Variants in FAM177A1 observed in about 807,000 individuals in gnomAD.
FAM177A1 encodes the protein family with sequence similarity 177 member A1.
A neutral mutation model predicts 26.1 loss-of-function variants in FAM177A1; 22 were observed. The observed-to-expected ratio is 0.84, with a 90% CI of 0.60 to 1.20. The LOEUF (loss-of-function observed/expected upper bound fraction) is 1.20, where lower values mean the gene tolerates loss of function less well. Ranked by LOEUF, FAM177A1 falls within the 50% of genes most tolerant of loss-of-function variation. The pLI is 0.00. For missense variants in FAM177A1, 296 were observed against 291.1 expected, an observed-to-expected ratio of 1.02 and a Z score of -0.12; for synonymous variants, 95 against 99.3, an observed-to-expected ratio of 0.96 and a Z score of 0.26.
At position 35,081,295 on chromosome 14, in the gene FAM177A1, T is replaced by G. The variant is rs139163092; in HGVS notation, c.*67T>G. 358 of 1,420,290 alleles carry G rather than the reference T, an allele frequency of 2.5e-4. No individual in the cohort carries two copies. The highest frequency in any genetic ancestry group is 3.1e-4 in the Non-Finnish European group (327 of 1,046,190). 88.0% of individuals were successfully genotyped at this position (1,420,290 alleles called of 1,614,324 possible). On this transcript the variant is annotated 3_prime_UTR_variant, in exon 5 of 5. Transcript: ENST00000280987. ...TTTTAATACAAAAACTTTCACATTC[T>G]TTATTCAGTGGGACTTAATACAATT...
At chr14:35,076,598 A>T (rs1473130255) in intron 2 of FAM177A1, among the ~76,000 whole-genome samples, 2 of 151,288 alleles carry the variant, frequency 1.3e-5, no homozygotes, top group South Asian at 2.1e-4. Context: ...TAATAATAAT[A>T]AAAAAAAAGA....
chr14:35,082,077 A>G lies in FAM177A1; in HGVS notation c.*849A>G, dbSNP rs1361547252. The G allele has an allele frequency of 6.6e-6, 1 of 152,184 alleles. No individual in the cohort carries two copies. Among genetic ancestry groups the G allele is most frequent in the East Asian group, 1.9e-4 (1 of 5,202 alleles). The allele number at this position is 152,184 out of a possible 1,614,324, so 9.4% of individuals were successfully genotyped here. On this transcript the variant is annotated 3_prime_UTR_variant, in exon 5 of 5. Coordinates refer to ENST00000280987, the MANE Select transcript of FAM177A1 (RefSeq NM_173607.5). The stretch of plus-strand genomic sequence containing the variant: ...ATTGTATAAGGTGCAATGATAGCCT[A>G]ATGAAATTACCCGTCATTCATCATT...
intron 2 of FAM177A1, chr14:35,054,962 A>C (rs2045035499): frequency 6.7e-6 from 1 of 148,280 alleles, no homozygotes; most frequent in Admixed American, 6.7e-5. Context: ...GGGCAATAAG[A>C]GCGAAACTTG....
intron 2 of FAM177A1, among the ~76,000 whole-genome samples, chr14:35,073,923 T>A (rs1373236622): frequency 6.6e-6 from 1 of 152,178 alleles, no homozygotes; most frequent in Non-Finnish European, 1.5e-5. Context: ...TAGATATCCT[T>A]TCTTCTCAAT....
At chr14:35,058,341 G>A (rs1595042817) in intron 2 of FAM177A1, among the ~76,000 whole-genome samples, 1 of 152,182 alleles carries the variant, frequency 6.6e-6, no homozygotes, top group Middle Eastern at 3.4e-3. Flanking sequence ...TGGTATTACA[G>A]GTGTGAGCCA....
intron 2 of FAM177A1, among the ~76,000 whole-genome samples, chr14:35,067,445 T>A (rs1186651363): frequency 6.6e-6 from 1 of 152,238 alleles, no homozygotes; most frequent in Non-Finnish European, 1.5e-5. Context: ...GACACCTAGG[T>A]TGGTTCCATA....
intron 2 of FAM177A1, among the ~76,000 whole-genome samples, chr14:35,061,737 C>T (rs925615126): frequency 3.3e-5 from 5 of 150,156 alleles, no homozygotes; most frequent in Non-Finnish European, 7.4e-5. Context: ...ACATTGTGCA[C>T]ATGTACCCTA....
chr14:35,061,131 G>T (rs1025511699), intron 2 of FAM177A1, among the ~76,000 whole-genome samples: 1 of 152,160 alleles, frequency 6.6e-6, no homozygotes, highest in Non-Finnish European at 1.5e-5. Flanking sequence ...CCCATGGGAG[G>T]TCTTGGAACA....
At chr14:35,066,026 G>A (rs2045236050) in intron 2 of FAM177A1, among the ~76,000 whole-genome samples, 1 of 151,612 alleles carries the variant, frequency 6.6e-6, no homozygotes. Context: ...TAAAGCCATT[G>A]TCTGATAATA....
chr14:35,045,763 C>A (rs2044850733), upstream of FAM177A1, among the ~76,000 whole-genome samples: 3 of 152,212 alleles, frequency 2.0e-5, no homozygotes, highest in South Asian at 6.2e-4. Context: ...CTTTAAGACA[C>A]AGATAAAACA....
chr14:35,052,278 T>C (rs1178957949), intron 1 of FAM177A1, among the ~76,000 whole-genome samples: 2 of 151,734 alleles, frequency 1.3e-5, no homozygotes, highest in Non-Finnish European at 2.9e-5. Flanking sequence ...GGAGTCTTGC[T>C]CTGTTGCCCA....
intron 3 of FAM177A1, among the ~76,000 whole-genome samples, 155 bp downstream of exon 3, chr14:35,077,371 C>T (rs1312955186): frequency 6.6e-6 from 1 of 151,120 alleles, no homozygotes; most frequent in East Asian, 2.0e-4. Flanking sequence ...AGTAACCTAA[C>T]TTGTACTTCA....
chr14:35,053,656 C>T (rs2138529811), intron 2 of FAM177A1, among the ~76,000 whole-genome samples: 1 of 152,228 alleles, frequency 6.6e-6, no homozygotes, highest in South Asian at 2.1e-4. Flanking sequence ...CCTGAAACAG[C>T]TTGTTTTTCA....
At chr14:35,074,378 T>C (rs1232302317) in intron 2 of FAM177A1, among the ~76,000 whole-genome samples, 1 of 152,132 alleles carries the variant, frequency 6.6e-6, no homozygotes, top group Non-Finnish European at 1.5e-5. Context: ...CAGGCTGGAG[T>C]GCAGGGGCTC....
chr14:35,053,216 C>A, intron 1 of FAM177A1, 62 bp from the exon 2 acceptor site: 2 of 1,468,978 alleles, frequency 1.4e-6, no homozygotes, highest in Non-Finnish European at 1.9e-6. Flanking sequence ...AAGTTTTTCA[C>A]GTGTAATGAA....
chr14:35,070,871 G>A (rs1043046243), intron 2 of FAM177A1, among the ~76,000 whole-genome samples: 22 of 151,922 alleles, frequency 1.4e-4, no homozygotes, highest in Non-Finnish European at 2.4e-4. Flanking sequence ...CAACAATGTT[G>A]TAAAAATAAG....
In FAM177A1 at chr14:35,081,223, C is replaced by T; in HGVS notation, c.706C>T (p.Pro236Ser). ...CAAGCAAAATCCAGTCTCTGTCCCA[C>T]CATAAAATGAAATGACTATCAAGCT... ...ESKQNPVSVP[P>S] Residue 236 changes from proline to serine, a missense_variant, in exon 5 of 5, where the codon CCA becomes TCA. Pro to Ser is a moderately conservative substitution (Grantham distance 74, BLOSUM62 -1). Transcript: ENST00000280987. 1.2e-6 allele frequency: 2 copies of T among 1,605,328 alleles called. No homozygotes were observed. The highest frequency in any genetic ancestry group is 8.5e-7 in the Non-Finnish European group (1 of 1,177,700).
intron 4 of FAM177A1, 89 bp from the exon 5 acceptor site, chr14:35,080,930 TTTA>T: frequency 7.3e-7 from 1 of 1,372,138 alleles, no homozygotes; most frequent in Non-Finnish European, 9.4e-7. Context: ...TTTTTTTTTT[TTTA>T]AACATAAGCT....
upstream of FAM177A1, chr14:35,045,015 C>T (rs1396305425): frequency 6.6e-6 from 1 of 152,132 alleles, no homozygotes; most frequent in Non-Finnish European, 1.5e-5. Context: ...CCCTGCTTGC[C>T]AGTAAGAAGG....
Sources: allele counts gnomAD v4.1 joint callset (sites outside exome capture counted in the v4.1 genomes callset), GRCh38; gene constraint gnomAD v4.1.1; transcripts MANE v1.5; gene names NCBI Gene and HGNC (gene_info 2026-07-23, HGNC 2026-07-21).